TANC2: variants seen among roughly 807,000 people sequenced by gnomAD.
TANC2 encodes the protein protein TANC2.
In TANC2, 26 loss-of-function variants were observed where a neutral mutation model predicts 210.5. The ratio of observed to expected loss-of-function variants is 0.12; its 90% CI spans 0.09 to 0.17. The LOEUF (loss-of-function observed/expected upper bound fraction) is 0.17, where lower values mean the gene tolerates loss of function less well. Ranked by LOEUF, TANC2 falls within the 10% of genes least tolerant of loss-of-function variation. The pLI is 1.00. For synonymous variants in TANC2, 931 were observed against 967.1 expected, an observed-to-expected ratio of 0.96 and a Z score of 0.69; for missense variants, 2,129 against 2,608.9, an observed-to-expected ratio of 0.82 and a Z score of 4.01.
At chr17:63,008,713 A>G (rs1568313267) in intron 1 of TANC2, among the ~76,000 whole-genome samples, 1 of 152,114 alleles carries the variant, frequency 6.6e-6, no homozygotes. Flanking sequence ...GCAGTCAGAG[A>G]GTTTTCCTTT....
At chr17:63,026,717 ATG>A (rs967031804) in intron 2 of TANC2, among the ~76,000 whole-genome samples, 1 of 152,178 alleles carries the variant, frequency 6.6e-6, no homozygotes, top group Non-Finnish European at 1.5e-5. Flanking sequence ...TTGCTTTCAA[ATG>A]TAATTTATTT....
At chr17:63,013,018 AT>A (rs1359933268) in intron 2 of TANC2, among the ~76,000 whole-genome samples, 1 of 151,780 alleles carries the variant, frequency 6.6e-6, no homozygotes, top group Non-Finnish European at 1.5e-5. Context: ...ACTTTTGTTT[AT>A]CTGAAAATGT....
At chr17:63,404,562 T>G (rs546543412) in intron 19 of TANC2, among the ~76,000 whole-genome samples, 4 of 152,306 alleles carry the variant, frequency 2.6e-5, no homozygotes, top group South Asian at 4.1e-4. Flanking sequence ...TAAAAAATGA[T>G]TGCAAATGTA....
chr17:63,157,907 C>T (rs1453136087), intron 5 of TANC2, among the ~76,000 whole-genome samples: 1 of 152,104 alleles, frequency 6.6e-6, no homozygotes, highest in Non-Finnish European at 1.5e-5. Flanking sequence ...GACTACCACA[C>T]CTGGCCTCAT....
chr17:63,039,882 T>A (rs1412381637), intron 2 of TANC2, among the ~76,000 whole-genome samples: 2 of 152,218 alleles, frequency 1.3e-5, no homozygotes, highest in African/African-American at 4.8e-5. Context: ...TAAACATTTA[T>A]ATTTATACTA....
intron 2 of TANC2, among the ~76,000 whole-genome samples, chr17:63,072,602 A>G (rs989297850): frequency 1.3e-5 from 2 of 152,076 alleles, no homozygotes; most frequent in Non-Finnish European, 2.9e-5. Flanking sequence ...TATCACTTTG[A>G]GTATCTTTCT....
intron 1 of TANC2, among the ~76,000 whole-genome samples, chr17:62,988,949 T>C (rs1165772845): frequency 6.6e-6 from 1 of 152,216 alleles, no homozygotes; most frequent in Non-Finnish European, 1.5e-5. Context: ...AAGTTCCCCT[T>C]GTACTTTATT....
intron 8 of TANC2, among the ~76,000 whole-genome samples, chr17:63,255,217 G>A (rs1006544446): frequency 2.0e-4 from 30 of 151,810 alleles, no homozygotes; most frequent in Admixed American, 1.5e-3. Flanking sequence ...CCATTCTCCT[G>A]CCTCAGCCTC....
chr17:63,002,957 A>G (rs977474104), intron 1 of TANC2, among the ~76,000 whole-genome samples: 2 of 152,162 alleles, frequency 1.3e-5, no homozygotes, highest in Admixed American at 6.5e-5. Flanking sequence ...TTCATTATGC[A>G]TATATGTTTT....
chr17:63,162,542 AAGAT>A (rs1429384576), intron 5 of TANC2, among the ~76,000 whole-genome samples: 1 of 152,124 alleles, frequency 6.6e-6, no homozygotes, highest in Non-Finnish European at 1.5e-5. Flanking sequence ...ATGCAGAAGA[AAGAT>A]AGGAAATGCT....
intron 2 of TANC2, among the ~76,000 whole-genome samples, chr17:63,030,560 A>G (rs1364319840): frequency 6.6e-6 from 1 of 152,018 alleles, no homozygotes; most frequent in Non-Finnish European, 1.5e-5. Context: ...GTTAAGGGAA[A>G]CTTTCCAGAC....
chr17:63,159,872 A>G (rs2039966330), intron 5 of TANC2, among the ~76,000 whole-genome samples: 1 of 152,212 alleles, frequency 6.6e-6, no homozygotes, highest in South Asian at 2.1e-4. Context: ...GCCATAACAA[A>G]ATACCATAGA....
chr17:62,991,162 T>G (rs566261424), intron 1 of TANC2, among the ~76,000 whole-genome samples: 1 of 152,268 alleles, frequency 6.6e-6, no homozygotes, highest in African/African-American at 2.4e-5. Context: ...GGGAGAGTGA[T>G]TGAAATGACA....
chr17:63,412,802 A>T lies in TANC2; in HGVS notation c.3928+93A>T. On this transcript the variant is annotated intron_variant, in intron 24 of 27. Coordinates refer to ENST00000689528, the Ensembl canonical transcript of TANC2. The surrounding 1 kb of genome is among the most constrained non-coding windows in gnomAD (Gnocchi z 4.2). ...GGTTTAGCCTGCATGAGTTCCCTAC[A>T]CCTCTAATCTTTTAATTTACTTCAC... 6 of 1,389,796 alleles carry T rather than the reference A, an allele frequency of 4.3e-6. No homozygotes were observed. Among genetic ancestry groups the T allele is most frequent in the Admixed American group, 5.5e-5 (2 of 36,402 alleles). 86.1% of individuals were successfully genotyped at this position (1,389,796 alleles called of 1,614,324 possible). A position where few individuals can be genotyped will look rare whatever the true frequency, so the allele number is the denominator to read the frequency against.
At chr17:63,201,256 A>T (rs1301986683) in intron 7 of TANC2, among the ~76,000 whole-genome samples, 1 of 152,188 alleles carries the variant, frequency 6.6e-6, no homozygotes, top group Admixed American at 6.5e-5. Flanking sequence ...CTACCAACAG[A>T]AGTAGTTCAG....
intron 2 of TANC2, among the ~76,000 whole-genome samples, chr17:63,040,330 C>T (rs2035136702): frequency 6.6e-6 from 1 of 152,164 alleles, no homozygotes; most frequent in South Asian, 2.1e-4. Context: ...AGCATTGACT[C>T]AAGGCACTGT....
At chr17:62,968,080 A>G (rs1017684223) in intron 1 of TANC2, among the ~76,000 whole-genome samples, 1 of 152,226 alleles carries the variant, frequency 6.6e-6, no homozygotes, top group African/African-American at 2.4e-5. Context: ...GCTGCAAAAC[A>G]TTGTGACTTC....
At chr17:63,342,330 A>G (rs182545499) in intron 12 of TANC2, among the ~76,000 whole-genome samples, 11 of 152,242 alleles carry the variant, frequency 7.2e-5, no homozygotes, top group Admixed American at 1.3e-4. Context: ...TATGTTATTG[A>G]AATTAGGAAC....
At chr17:63,207,432 G>C (rs1289094535) in intron 7 of TANC2, among the ~76,000 whole-genome samples, 14 of 151,596 alleles carry the variant, frequency 9.2e-5, no homozygotes, top group Non-Finnish European at 2.1e-4. Flanking sequence ...AGCCAGGATA[G>C]TCTTGATCTC....
Sources: gnomAD v4.1 joint callset for allele counts (sites outside exome capture counted in the v4.1 genomes callset) on GRCh38, gnomAD v4.1.1 for gene constraint, Gnocchi (gnomAD v3.1) non-coding constraint, MANE v1.5 for transcripts, NCBI Gene and HGNC (gene_info 2026-07-23, HGNC 2026-07-21) for gene names.